UGT1A8: variants seen among roughly 807,000 people sequenced by gnomAD.
The protein encoded by UGT1A8 is UDP glucuronosyltransferase family 1 member A8, also known as UDP-glucuronosyltransferase 1A8.
UGT1A8 carries 39 observed loss-of-function variants against 45.3 expected under a neutral mutation model. The ratio of observed to expected loss-of-function variants is 0.86; its 90% CI spans 0.67 to 1.12. The LOEUF (loss-of-function observed/expected upper bound fraction) is 1.12. Ranked by LOEUF, UGT1A8 falls within the 50% of genes most tolerant of loss-of-function variation. UGT1A8 has a pLI of 0.00. For missense variants in UGT1A8, 719 were observed against 664.9 expected (o/e 1.08, Z -0.90); for synonymous variants, 275 against 249.2 (o/e 1.10, Z -0.97).
intron 1 of UGT1A8, among the ~76,000 whole-genome samples, chr2:233,728,411 T>C (rs945344211): frequency 6.6e-6 from 1 of 152,174 alleles, no homozygotes; most frequent in African/African-American, 2.4e-5. Context: ...GTGCTTTAGA[T>C]AGCAGCACCT....
chr2:233,760,254 G>C (rs1697373006), intron 1 of UGT1A8: 2 of 1,610,464 alleles, frequency 1.2e-6, no homozygotes, highest in South Asian at 2.2e-5. Flanking sequence ...ATATAAGTAG[G>C]AGAGGGCGAA....
chr2:233,694,467 T>C (rs1197070708), intron 1 of UGT1A8, among the ~76,000 whole-genome samples: 1 of 152,162 alleles, frequency 6.6e-6, no homozygotes, highest in African/African-American at 2.4e-5. Flanking sequence ...GCAAAAGGGG[T>C]ATGGCCTCTG....
intron 1 of UGT1A8, among the ~76,000 whole-genome samples, chr2:233,748,921 T>C (rs1470974823): frequency 7.9e-5 from 12 of 151,634 alleles, no homozygotes; most frequent in Non-Finnish European, 2.9e-5. Context: ...CAGGTGAAGC[T>C]GAACATATCA....
At chr2:233,687,171 A>C (rs6753569) in intron 1 of UGT1A8, among the ~76,000 whole-genome samples, 59,784 of 152,048 alleles carry the variant, frequency 0.39, 11,945 homozygotes, top group South Asian at 0.45. Flanking sequence ...TGGCATGTGG[A>C]TATGAATCAG....
At chr2:233,747,700 A>T (rs538337941) in intron 1 of UGT1A8, 1 of 1,612,078 alleles carries the variant, frequency 6.2e-7, no homozygotes, top group African/African-American at 1.3e-5. Context: ...GTGCTGGCTA[A>T]GTACCTATCA....
intron 1 of UGT1A8, chr2:233,741,767 G>A (rs1691768451): frequency 6.6e-6 from 1 of 151,872 alleles, no homozygotes; most frequent in South Asian, 2.1e-4. Flanking sequence ...ATGTGTTCAG[G>A]CCATGATTTT....
intron 1 of UGT1A8, among the ~76,000 whole-genome samples, chr2:233,745,892 C>T (rs573273105): frequency 7.3e-5 from 11 of 150,844 alleles, no homozygotes; most frequent in East Asian, 2.0e-4. Context: ...GGTGGGGTGG[C>T]GTTTTTCAGG....
At chr2:233,639,252 A>T (rs1187939820) in intron 1 of UGT1A8, among the ~76,000 whole-genome samples, 2 of 152,228 alleles carry the variant, frequency 1.3e-5, no homozygotes, top group African/African-American at 2.4e-5. Flanking sequence ...AAGAATATAC[A>T]CATGTATGAA....
chr2:233,718,206 A>G (rs2076639906), intron 1 of UGT1A8, among the ~76,000 whole-genome samples: 1 of 152,138 alleles, frequency 6.6e-6, no homozygotes, highest in Non-Finnish European at 1.5e-5. Context: ...GCTTTTTTTT[A>G]TATTGACAGC....
At position 233,772,470 on chromosome 2, in the gene UGT1A8, A is replaced by G. The variant is rs1372118451; in HGVS notation, c.1504A>G (p.Ile502Val). 4 of 1,614,038 alleles carry G rather than the reference A, an allele frequency of 2.5e-6. No homozygotes were observed. The Admixed American group carries it at 5.0e-5, about 20-fold the overall frequency. Residue 502 changes from isoleucine (I) to valine (V), a missense_variant, in exon 5 of 5, where the codon ATC becomes GTC. Coordinates refer to ENST00000373450, the MANE Select transcript of UGT1A8 (RefSeq NM_019076.5). Reference protein sequence around the residue: ...LLAVVLTVAFITFKCCAYGYR... With the variant: ...LLAVVLTVAFVTFKCCAYGYR... ...GGCCGTCGTGCTGACAGTGGCCTTC[A>G]TCACCTTTAAATGTTGTGCTTATGG...
intron 1 of UGT1A8, among the ~76,000 whole-genome samples, chr2:233,653,336 C>A (rs772063042): frequency 1.4e-4 from 21 of 152,078 alleles, no homozygotes; most frequent in Non-Finnish European, 2.4e-4. Context: ...CAAGCGTAAA[C>A]CCTCAGGTGT....
intron 1 of UGT1A8, chr2:233,672,926 C>A: frequency 1.4e-6 from 2 of 1,477,468 alleles, no homozygotes; most frequent in Non-Finnish European, 1.8e-6. Context: ...TTATTTTGTG[C>A]CAATGCGTGT....
At chr2:233,708,894 G>C (rs181869766) in intron 1 of UGT1A8, among the ~76,000 whole-genome samples, 1 of 152,206 alleles carries the variant, frequency 6.6e-6, no homozygotes, top group Non-Finnish European at 1.5e-5. Context: ...AATCTCAGGG[G>C]CTATCTGGTT....
rs188337732 is a variant in UGT1A8 at position 233,682,451 on chromosome 2, A to G, written c.855+63889A>G. 3.7e-6 allele frequency: 6 copies of G among 1,613,876 alleles called. No homozygotes were observed. The Admixed American group carries it at 6.7e-5, about 18-fold the overall frequency. ...CCCCTCTGTGGTCTTCGCCAGGGGA[A>G]TATTTTGCCACTATCTTGAAGAAGG... On this transcript the variant is annotated intron_variant, in intron 1 of 4. Transcript: ENST00000373450.
intron 1 of UGT1A8, among the ~76,000 whole-genome samples, chr2:233,677,454 C>T (rs534516799): frequency 6.6e-6 from 1 of 152,188 alleles, no homozygotes; most frequent in South Asian, 2.1e-4. Flanking sequence ...AAAAGCCTTG[C>T]CAATACCATA....
chr2:233,760,301 C>A (rs1697391714), intron 1 of UGT1A8: 1 of 1,613,532 alleles, frequency 6.2e-7, no homozygotes, highest in South Asian at 1.1e-5. Flanking sequence ...GCTGTGGAGT[C>A]CCAGGGCGGA....
chr2:233,622,416 C>T (rs952583357), intron 1 of UGT1A8, among the ~76,000 whole-genome samples: 6 of 152,062 alleles, frequency 3.9e-5, no homozygotes, highest in East Asian at 1.9e-4. Context: ...TTTTAATGAT[C>T]GCCATTCTAA....
At chr2:233,652,641 G>A (rs532260049) in intron 1 of UGT1A8, among the ~76,000 whole-genome samples, 17 of 152,190 alleles carry the variant, frequency 1.1e-4, no homozygotes, top group Admixed American at 7.2e-4. Flanking sequence ...TCAGTAGAAC[G>A]GAGTTGAGAA....
intron 1 of UGT1A8, chr2:233,672,267 T>C: frequency 6.2e-7 from 1 of 1,614,116 alleles, no homozygotes; most frequent in Non-Finnish European, 8.5e-7. Context: ...TATTAATGGG[T>C]TCATACAATG....
Sources: gnomAD v4.1 joint callset for allele counts (sites outside exome capture counted in the v4.1 genomes callset) on GRCh38, gnomAD v4.1.1 for gene constraint, MANE v1.5 for transcripts, NCBI Gene and HGNC (gene_info 2026-07-23, HGNC 2026-07-21) for gene names.